Variants in ANK1 observed in about 807,000 individuals in gnomAD.
ANK1 encodes ankyrin 1.
ANK1 carries 51 observed loss-of-function variants against 210.4 expected under a neutral mutation model. The ratio of observed to expected loss-of-function variants is 0.24; its 90% CI spans 0.19 to 0.31. The LOEUF is 0.31. Among genes scored for constraint, ANK1 ranks in the 10% least tolerant of loss-of-function variants. The pLI, the probability that ANK1 is intolerant of heterozygous loss-of-function variation, is 1.00. For missense variants in ANK1, 2,051 were observed against 2,504.4 expected, an observed-to-expected ratio of 0.82 and a Z score of 3.86; for synonymous variants, 967 against 1,025.9, an observed-to-expected ratio of 0.94 and a Z score of 1.10.
At chr8:41,693,856 T>C in intron 29 of ANK1, 42 bp downstream of exon 29, 5 of 1,565,256 alleles carry the variant, frequency 3.2e-6, no homozygotes, top group Non-Finnish European at 4.3e-6. Context: ...CCAGACGCAC[T>C]GCAGCAGCCG....
chr8:41,786,024 G>A (rs1846296705), intron 1 of ANK1, among the ~76,000 whole-genome samples: 1 of 152,202 alleles, frequency 6.6e-6, no homozygotes, highest in African/African-American at 2.4e-5. Flanking sequence ...GCACCTCCCT[G>A]CAGATCGTCC....
intron 31 of ANK1, among the ~76,000 whole-genome samples, chr8:41,690,839 T>C (rs1288659435): frequency 6.6e-6 from 1 of 152,260 alleles, no homozygotes; most frequent in Non-Finnish European, 1.5e-5. Flanking sequence ...CAAATATCCC[T>C]GAGATGTTGA....
At chr8:41,699,365 G>C (rs980863140) in intron 23 of ANK1, 87 bp downstream of exon 23, 26 of 1,272,508 alleles carry the variant, frequency 2.0e-5, no homozygotes, top group Non-Finnish European at 3.0e-5. Flanking sequence ...CTGGCCTGCT[G>C]TGTCCTTCCT....
At chr8:41,671,557 T>C (rs1371405796) in intron 38 of ANK1, among the ~76,000 whole-genome samples, 1 of 151,832 alleles carries the variant, frequency 6.6e-6, no homozygotes, top group Non-Finnish European at 1.5e-5. Context: ...AAGTGAGCAC[T>C]CCAGGTACCC....
chr8:41,748,665 C>A (rs980523455), intron 2 of ANK1, among the ~76,000 whole-genome samples: 2 of 152,192 alleles, frequency 1.3e-5, no homozygotes, highest in African/African-American at 4.8e-5. Context: ...AGACAAGAAA[C>A]GACATAAGGG....
At chr8:41,725,978 CTCG>C (rs765723802) in intron 5 of ANK1, 32 bp from the exon 6 acceptor site, 227 of 1,606,820 alleles carry the variant, frequency 1.4e-4, no homozygotes, top group Non-Finnish European at 1.9e-4. Flanking sequence ...TTTGCTCTGA[CTCG>C]TCTGACGCCA....
Position 41,693,905 on chromosome 8 carries a change from G to A in ANK1, c.3525C>T (p.Ser1175=), listed in dbSNP as rs1206140367. ...GGCAGGGGCCCCTCTCACCAATGAC[G>A]CTGCAAAGCAGGCGCAGGCTGGTGG... The part of the protein sequence containing the change: ...GDTTSLRLLC[S]VIGGTDQAQW... The change falls in exon 29 of 43, where the codon AGC becomes AGT. Residue 1175 remains serine, a synonymous_variant. Coordinates refer to ENST00000289734, the MANE Select transcript of ANK1 (RefSeq NM_000037.4). The A allele has an allele frequency of 3.7e-6, 6 of 1,608,062 alleles. 1 individual carries two copies. Among genetic ancestry groups the A allele is most frequent in the Non-Finnish European group, 5.1e-6 (6 of 1,177,590 alleles).
chr8:41,874,956 G>A (rs1305860869), intron 1 of ANK1, among the ~76,000 whole-genome samples: 1 of 152,194 alleles, frequency 6.6e-6, no homozygotes. Context: ...GGAACAAAAT[G>A]TGCTGTCCCC....
intron 1 of ANK1, among the ~76,000 whole-genome samples, chr8:41,761,488 C>T (rs531115748): frequency 2.0e-5 from 3 of 152,322 alleles, no homozygotes; most frequent in African/African-American, 7.2e-5. Flanking sequence ...AGCAAGGAAC[C>T]TCTGGGAGGT....
intron 2 of ANK1, among the ~76,000 whole-genome samples, chr8:41,734,552 C>T (rs1334515206): frequency 6.6e-6 from 1 of 152,102 alleles, no homozygotes; most frequent in African/African-American, 2.4e-5. Context: ...TGAATACCAC[C>T]AACCACCCAG....
intron 1 of ANK1, among the ~76,000 whole-genome samples, chr8:41,812,698 T>C (rs1467016594): frequency 6.6e-6 from 1 of 152,198 alleles, no homozygotes; most frequent in Non-Finnish European, 1.5e-5. Context: ...ACCAGTTTTG[T>C]GGAAGACAGT....
At chr8:41,830,543 A>G (rs1284968493) in intron 1 of ANK1, among the ~76,000 whole-genome samples, 1 of 152,130 alleles carries the variant, frequency 6.6e-6, no homozygotes, top group Non-Finnish European at 1.5e-5. Context: ...AATGTTCAAA[A>G]GCTAGAATTG....
rs187334145 is a variant in ANK1, at chr8:41,695,164, C to T, written c.3115+13G>A. On this transcript the variant is annotated intron_variant, in intron 27 of 42. Transcript: ENST00000289734. ...CAAGGAGGGGACCCAGCCCTGGGAT[C>T]CCCCGCCCCTACCTTCGTCCATCCC... 72 of 1,613,990 alleles carry T rather than the reference C, an allele frequency of 4.5e-5. No individual in the cohort carries two copies. The African/African-American group carries it at 9.2e-4, about 21-fold the overall frequency.
intron 31 of ANK1, 140 bp downstream of exon 31, chr8:41,692,508 A>T: frequency 1.2e-6 from 1 of 830,434 alleles, no homozygotes. Flanking sequence ...GATGCTTCTC[A>T]AGAGGGGTCT....
chr8:41,695,913 G>A (rs547003769), intron 26 of ANK1, among the ~76,000 whole-genome samples: 9 of 152,134 alleles, frequency 5.9e-5, no homozygotes, highest in South Asian at 2.1e-4. Context: ...CTCTGGAGCC[G>A]GGTACTTCCC....
At position 41,715,082 on chromosome 8, in the gene ANK1, GA is replaced by G; in HGVS notation, c.1603-9del. The G allele has an allele frequency of 6.2e-7, 1 of 1,613,876 alleles. No individual in the cohort carries two copies. Among genetic ancestry groups the G allele is most frequent in the Non-Finnish European group, 8.5e-7 (1 of 1,179,898 alleles). On this transcript the variant is annotated splice_polypyrimidine_tract_variant and intron_variant, in intron 14 of 42. Transcript: ENST00000289734. ...CAGAGGGGTAAATCCTTTCTGAGGA[GA>G]AACAGGCTGTCAGGACCTTGGGGCC...
intron 4 of ANK1, 58 bp from the exon 5 acceptor site, chr8:41,727,406 C>T (rs1252487523): frequency 8.1e-7 from 1 of 1,235,102 alleles, no homozygotes; most frequent in African/African-American, 1.5e-5. Context: ...AAGGCCTACA[C>T]CAGCACAACG....
rs974375454 is a variant in ANK1 at position 41,797,597 on chromosome 8, G to C, written c.-59C>G. The C allele has an allele frequency of 4.4e-6, 7 of 1,607,840 alleles. No individual in the cohort carries two copies. In the South Asian group the frequency reaches 6.7e-5, roughly 15 times the overall value. The stretch of plus-strand genomic sequence containing the variant: ...TTGGGGGCTTGAGGAGGAGCAGCTG[G>C]GGCTGGCGGACTCACCGCAGCCTCT... On this transcript the variant is annotated 5_prime_UTR_variant, in exon 1 of 43. Transcript: ENST00000289734. This position sits in a 1 kb window ranked among gnomAD's most constrained non-coding sequence, Gnocchi z 4.0.
In ANK1 at chr8:41,695,158, T is replaced by C. The variant is rs756363291; in HGVS notation, c.3115+19A>G. The C allele has an allele frequency of 6.2e-7, 1 of 1,613,846 alleles. No individual in the cohort carries two copies. The highest frequency in any genetic ancestry group is 1.7e-5 in the Admixed American group (1 of 60,022). Reference sequence around the variant, plus strand: ...CTTCCGCAAGGAGGGGACCCAGCCCTGGGATCCCCCGCCCCTACCTTCGTC... The same window carrying C: ...CTTCCGCAAGGAGGGGACCCAGCCCCGGGATCCCCCGCCCCTACCTTCGTC... On this transcript the variant is annotated intron_variant, in intron 27 of 42. Coordinates refer to ENST00000289734, the MANE Select transcript of ANK1 (RefSeq NM_000037.4).
Sources: gnomAD v4.1 joint callset for allele counts (sites outside exome capture counted in the v4.1 genomes callset) on GRCh38, gnomAD v4.1.1 for gene constraint, Gnocchi (gnomAD v3.1) non-coding constraint, MANE v1.5 for transcripts, NCBI Gene and HGNC (gene_info 2026-07-23, HGNC 2026-07-21) for gene names.